NCOR2: variants seen among roughly 807,000 people sequenced by gnomAD.
The protein encoded by NCOR2 is CTG repeat protein 26.
Under a neutral mutation model 262.9 loss-of-function variants are expected in NCOR2, and 81 were observed. That is an observed-to-expected ratio of 0.31 (90% confidence interval 0.26 to 0.37). The LOEUF (loss-of-function observed/expected upper bound fraction) is 0.37, where lower values mean the gene tolerates loss of function less well. Ranked by LOEUF, NCOR2 falls within the 10% of genes least tolerant of loss-of-function variation. The probability of loss-of-function intolerance (pLI) is 1.00; values close to 1 mark genes in which losing one functional copy is unlikely to be tolerated. For synonymous variants in NCOR2, 1,659 were observed against 1,559.3 expected, an observed-to-expected ratio of 1.06 and a Z score of -1.51; for missense variants, 3,385 against 3,621.4, an observed-to-expected ratio of 0.93 and a Z score of 1.68.
chr12:124,377,774 G>A (rs1042011207), intron 18 of NCOR2, among the ~76,000 whole-genome samples: 1 of 151,770 alleles, frequency 6.6e-6, no homozygotes, highest in Non-Finnish European at 1.5e-5. Context: ...GAGAGGCAGA[G>A]GTTACACTGG....
intron 1 of NCOR2, among the ~76,000 whole-genome samples, chr12:124,560,465 C>T (rs1170900128): frequency 6.6e-6 from 1 of 152,244 alleles, no homozygotes; most frequent in Non-Finnish European, 1.5e-5. Context: ...TCAGCTTGTG[C>T]ACCATACAGA....
intron 1 of NCOR2, among the ~76,000 whole-genome samples, chr12:124,533,988 G>C (rs1356505659): frequency 6.6e-6 from 1 of 150,566 alleles, no homozygotes; most frequent in African/African-American, 2.4e-5. Flanking sequence ...TTTTCTGGGT[G>C]GCCCAAGACA....
At chr12:124,406,444 G>A (rs1268292202) in intron 13 of NCOR2, among the ~76,000 whole-genome samples, 1 of 152,202 alleles carries the variant, frequency 6.6e-6, no homozygotes, top group Non-Finnish European at 1.5e-5. Context: ...CCACTGAGGA[G>A]TGAGGCCTTC....
At chr12:124,328,244 C>T (rs2034864144) in intron 44 of NCOR2, among the ~76,000 whole-genome samples, 1 of 152,102 alleles carries the variant, frequency 6.6e-6, no homozygotes, top group South Asian at 2.1e-4. Context: ...CCAAGCTGGG[C>T]CTGCTCTCCT....
At position 124,345,675 on chromosome 12, in the gene NCOR2, C is replaced by T. The variant is rs151213788; in HGVS notation, c.4360-724G>A. Among the ~76,000 whole-genome samples the T allele has an allele frequency of 3.9e-5, 6 of 152,336 alleles. 1 individual carries two copies. The highest frequency in any genetic ancestry group is 2.6e-4 in the Admixed American group (4 of 15,302). On this transcript the variant is annotated intron_variant, in intron 31 of 46. Transcript: ENST00000405201. ...GAATCTGGACCCTGTCTTGGTCATG[C>T]GGTGGATGCTTCCAAGGACTCCATA...
At chr12:124,332,979 A>G in intron 42 of NCOR2, 151 bp downstream of exon 44, 2 of 1,023,586 alleles carry the variant, frequency 2.0e-6, no homozygotes, top group Non-Finnish European at 2.8e-6. Flanking sequence ...CACACCCCCA[A>G]GTTGGTGAAA....
chr12:124,362,881 A>C (rs550628681), intron 21 of NCOR2, among the ~76,000 whole-genome samples: 23 of 151,228 alleles, frequency 1.5e-4, no homozygotes, highest in Non-Finnish European at 2.7e-4. Context: ...CCTCCTAAAA[A>C]GCCTGGTCCA....
At position 124,451,026 on chromosome 12, in the gene NCOR2, G is replaced by A. The variant is rs376337137; in HGVS notation, c.763-1159C>T. ...TGTGCTAATGGCACCCACCTTTCAC[G>A]CCTCCCTGTAACCACCCATGACCTT... On this transcript the variant is annotated intron_variant, in intron 6 of 46. Transcript: ENST00000405201. Among the ~76,000 whole-genome samples the A allele has an allele frequency of 1.6e-4, 25 of 152,368 alleles. No homozygotes were observed. In the East Asian group the frequency reaches 2.1e-3, roughly 13 times the overall value.
At chr12:124,417,797 A>G (rs1452742760) in intron 13 of NCOR2, among the ~76,000 whole-genome samples, 2 of 152,246 alleles carry the variant, frequency 1.3e-5, no homozygotes, top group Non-Finnish European at 2.9e-5. Flanking sequence ...ACAGTGGCTC[A>G]TGCCTGTAAT....
intron 18 of NCOR2, among the ~76,000 whole-genome samples, chr12:124,375,965 T>C (rs943635693): frequency 6.6e-6 from 1 of 152,152 alleles, no homozygotes; most frequent in Non-Finnish European, 1.5e-5. Flanking sequence ...ACCCAGCACC[T>C]GCCTCACCTC....
chr12:124,528,802 C>CA (rs1391088893), intron 1 of NCOR2, among the ~76,000 whole-genome samples: 3 of 152,232 alleles, frequency 2.0e-5, no homozygotes, highest in African/African-American at 7.2e-5. Context: ...GCACACAACT[C>CA]AGAGTCATGA....
chr12:124,486,201 C>T (rs2047758181), intron 2 of NCOR2, among the ~76,000 whole-genome samples: 1 of 152,222 alleles, frequency 6.6e-6, no homozygotes, highest in Admixed American at 6.5e-5. Context: ...CCCACTGCTG[C>T]CTAAACCCAC....
At chr12:124,416,641 A>AC (rs2042880346) in intron 13 of NCOR2, among the ~76,000 whole-genome samples, 3 of 139,486 alleles carry the variant, frequency 2.2e-5, no homozygotes, top group African/African-American at 5.5e-5. Flanking sequence ...GCACAGATAG[A>AC]CCCGTGGCAC....
chr12:124,333,259 G>A (rs749006415), exon 42 of NCOR2: 21 of 1,609,680 alleles, frequency 1.3e-5, no homozygotes, highest in East Asian at 8.9e-5. Context: ...CAAGACCGAC[G>A]TCTTGTTTGG....
intron 41 of NCOR2, 62 bp from the exon 44 acceptor site, chr12:124,333,341 C>T: frequency 1.4e-6 from 2 of 1,381,020 alleles, no homozygotes; most frequent in Admixed American, 2.9e-5. Context: ...GCGCACCCTC[C>T]CTCCACTCTA....
intron 13 of NCOR2, among the ~76,000 whole-genome samples, chr12:124,418,260 G>C (rs947122111): frequency 6.6e-6 from 1 of 152,190 alleles, no homozygotes; most frequent in Non-Finnish European, 1.5e-5. Flanking sequence ...CTGCGGATAA[G>C]GACCGAGTTC....
rs1459376046 is a variant in NCOR2, at chr12:124,524,606, C to T, written c.-118+10959G>A. ...GCACCTAGATCCAGCCGTGCCTGAA[C>T]GTGTCCTACCCTGGCCACTCTGAGG... On this transcript the variant is annotated intron_variant, in intron 1 of 46. Coordinates refer to the NCOR2 transcript ENST00000404621. 3.9e-5 allele frequency among the ~76,000 whole-genome samples: 6 copies of T among 152,206 alleles called. No homozygotes were observed. In the South Asian group the frequency reaches 1.0e-3, roughly 26 times the overall value.
At chr12:124,342,020 A>G in exon 34 of NCOR2, 1 of 1,612,840 alleles carries the variant, frequency 6.2e-7, no homozygotes, top group Non-Finnish European at 8.5e-7. Flanking sequence ...GGGTGGGTAC[A>G]GGTGCGGGTA....
At chr12:124,436,903 T>C (rs1041837642) in intron 8 of NCOR2, among the ~76,000 whole-genome samples, 6 of 152,038 alleles carry the variant, frequency 3.9e-5, no homozygotes, top group African/African-American at 1.5e-4. Context: ...GCCTGGTCAA[T>C]GGAGTGAAAC....
Sources: allele counts gnomAD v4.1 joint callset (sites outside exome capture counted in the v4.1 genomes callset), GRCh38; gene constraint gnomAD v4.1.1; transcripts MANE v1.5; gene names NCBI Gene and HGNC (gene_info 2026-07-23, HGNC 2026-07-21).